The following NKAIN3 variants were observed in gnomAD, a reference collection of about 807,000 sequenced individuals.
NKAIN3 encodes the protein sodium/potassium-transporting ATPase subunit beta-1-interacting protein 3.
In NKAIN3, 25 loss-of-function variants were observed where a neutral mutation model predicts 30.2. The ratio of observed to expected loss-of-function variants is 0.83; its 90% confidence interval spans 0.60 to 1.16. The LOEUF is 1.16. Ranked by LOEUF, NKAIN3 falls within the 50% of genes most tolerant of loss-of-function variation. The pLI, the probability that NKAIN3 is intolerant of heterozygous loss-of-function variation, is 0.00. For missense variants in NKAIN3, 225 were observed against 254.1 expected, an observed-to-expected ratio of 0.89 and a Z score of 0.78; for synonymous variants, 91 against 89.6, an observed-to-expected ratio of 1.02 and a Z score of -0.09.
At chr8:62,757,913 G>A (rs931839191) in intron 4 of NKAIN3, among the ~76,000 whole-genome samples, 5 of 152,150 alleles carry the variant, frequency 3.3e-5, no homozygotes. Flanking sequence ...TTGTAAACAG[G>A]TGACATATAT....
intron 3 of NKAIN3, among the ~76,000 whole-genome samples, chr8:62,594,375 G>A (rs1470267179): frequency 6.6e-6 from 1 of 152,146 alleles, no homozygotes; most frequent in African/African-American, 2.4e-5. Flanking sequence ...ATTCTGCCAA[G>A]AGGGACTCCA....
chr8:62,849,978 G>C (rs904622808), intron 4 of NKAIN3, among the ~76,000 whole-genome samples: 1 of 152,026 alleles, frequency 6.6e-6, no homozygotes, highest in African/African-American at 2.4e-5. Flanking sequence ...CCAGTAATGC[G>C]ATAGCTGGGT....
intron 4 of NKAIN3, among the ~76,000 whole-genome samples, chr8:62,825,788 A>T (rs1462089327): frequency 6.6e-6 from 1 of 152,276 alleles, no homozygotes. Context: ...GTATGGGGTG[A>T]CAGAGCTTGG....
chr8:62,784,375 A>G (rs2130658719), intron 4 of NKAIN3, among the ~76,000 whole-genome samples: 1 of 152,158 alleles, frequency 6.6e-6, no homozygotes, highest in South Asian at 2.1e-4. Context: ...AAACTGATAA[A>G]GCTTTAGCTA....
At chr8:62,754,267 T>TAATAAGTC (rs1470360362) in intron 4 of NKAIN3, among the ~76,000 whole-genome samples, 13 of 152,076 alleles carry the variant, frequency 8.5e-5, no homozygotes, top group Admixed American at 4.6e-4. Context: ...GTTCTGGGGT[T>TAATAAGTC]AATAAGTCAA....
At chr8:62,351,671 A>G (rs1044521195) in intron 1 of NKAIN3, among the ~76,000 whole-genome samples, 1 of 152,146 alleles carries the variant, frequency 6.6e-6, no homozygotes, top group Non-Finnish European at 1.5e-5. Flanking sequence ...TTTATGAAAT[A>G]TAAATCAGTT....
intron 4 of NKAIN3, among the ~76,000 whole-genome samples, chr8:62,799,486 C>T (rs1194303741): frequency 6.6e-6 from 1 of 152,064 alleles, no homozygotes; most frequent in African/African-American, 2.4e-5. Context: ...AAATCAAAAC[C>T]ACAATGTGAT....
In NKAIN3 at chr8:62,506,795, G is replaced by A. The variant is rs1807659875; in HGVS notation, c.55-72744G>A. Among the ~76,000 whole-genome samples, 5 of 152,174 alleles carry A rather than the reference G, an allele frequency of 3.3e-5. No individual in the cohort carries two copies. In the South Asian group the frequency reaches 1.0e-3, roughly 32 times the overall value. On this transcript the variant is annotated intron_variant, in intron 1 of 6. Transcript: ENST00000623646. ...GCCTTTTACTGCTTTTGTAAGGTTA[G>A]ACTTTGGAATTAAAAGAGGGTGTCT...
At chr8:62,379,227 C>T (rs1442107085) in intron 1 of NKAIN3, among the ~76,000 whole-genome samples, 2 of 152,158 alleles carry the variant, frequency 1.3e-5, no homozygotes, top group African/African-American at 2.4e-5. Flanking sequence ...TACCTGTACC[C>T]CGATTGTATC....
intron 1 of NKAIN3, among the ~76,000 whole-genome samples, chr8:62,458,905 A>C (rs1182770992): frequency 6.6e-6 from 1 of 152,208 alleles, no homozygotes; most frequent in Non-Finnish European, 1.5e-5. Flanking sequence ...TACAAGTAAA[A>C]TCGAAATTCT....
intron 1 of NKAIN3, among the ~76,000 whole-genome samples, chr8:62,426,006 G>T (rs1412462242): frequency 6.6e-6 from 1 of 151,814 alleles, no homozygotes; most frequent in Non-Finnish European, 1.5e-5. Flanking sequence ...CTACTTTAAT[G>T]GATTTGATTG....
At chr8:62,543,159 T>C (rs911774943) in intron 1 of NKAIN3, among the ~76,000 whole-genome samples, 4 of 152,194 alleles carry the variant, frequency 2.6e-5, no homozygotes, top group African/African-American at 9.6e-5. Context: ...AAAAGGTATA[T>C]ATTAAAGGAT....
At chr8:62,574,339 G>A (rs749438999) in intron 1 of NKAIN3, among the ~76,000 whole-genome samples, 18 of 152,132 alleles carry the variant, frequency 1.2e-4, no homozygotes, top group Non-Finnish European at 2.1e-4. Context: ...GAATAGTGCT[G>A]CAATAAACGT....
intron 3 of NKAIN3, among the ~76,000 whole-genome samples, chr8:62,602,301 A>C (rs1811005399): frequency 6.6e-6 from 1 of 152,064 alleles, no homozygotes; most frequent in Non-Finnish European, 1.5e-5. Flanking sequence ...GCCTATGCAA[A>C]TATAATTGAA....
intron 4 of NKAIN3, among the ~76,000 whole-genome samples, chr8:62,785,724 G>T (rs1817495897): frequency 6.6e-6 from 1 of 151,980 alleles, no homozygotes; most frequent in Non-Finnish European, 1.5e-5. Flanking sequence ...AAATAATACT[G>T]CAATGAATAG....
At chr8:62,317,353 C>G (rs901880834) in intron 1 of NKAIN3, among the ~76,000 whole-genome samples, 1 of 152,192 alleles carries the variant, frequency 6.6e-6, no homozygotes, top group East Asian at 1.9e-4. Context: ...CTTGCCCATG[C>G]CTATATCCTG....
At chr8:62,591,762 T>C (rs367872528) in intron 3 of NKAIN3, among the ~76,000 whole-genome samples, 6 of 152,006 alleles carry the variant, frequency 3.9e-5, no homozygotes, top group Admixed American at 2.0e-4. Context: ...GTTGGTCTCC[T>C]ATTTACTGCC....
chr8:62,627,638 A>G (rs1465245690), intron 3 of NKAIN3, among the ~76,000 whole-genome samples: 1 of 152,140 alleles, frequency 6.6e-6, no homozygotes, highest in Non-Finnish European at 1.5e-5. Flanking sequence ...TGGTGATTTC[A>G]GTAATTACAA....
At chr8:62,324,734 C>A (rs1052464708) in intron 1 of NKAIN3, among the ~76,000 whole-genome samples, 1 of 152,076 alleles carries the variant, frequency 6.6e-6, no homozygotes, top group African/African-American at 2.4e-5. Context: ...TAACTGCTCA[C>A]TAGTAAGAGC....
Sources: allele counts gnomAD v4.1 joint callset (sites outside exome capture counted in the v4.1 genomes callset), GRCh38; gene constraint gnomAD v4.1.1; transcripts MANE v1.5; gene names NCBI Gene and HGNC (gene_info 2026-07-23, HGNC 2026-07-21).